The following ZNF610 variants were observed in gnomAD, a reference collection of about 807,000 sequenced individuals.
ZNF610 encodes zink finger protein.
In ZNF610, 14 loss-of-function variants were observed where a neutral mutation model predicts 14.1. The ratio of observed to expected loss-of-function variants is 0.99; its 90% confidence interval spans 0.65 to 1.55. ZNF610 has a LOEUF of 1.55. Ranked by LOEUF, ZNF610 falls within the 40% of genes most tolerant of loss-of-function variation. The pLI, the probability that ZNF610 is intolerant of heterozygous loss-of-function variation, is 0.00. For synonymous variants in ZNF610, 185 were observed against 187.6 expected (o/e 0.99, Z 0.11); for missense variants, 530 against 558.0 (o/e 0.95, Z 0.51).
At chr19:52,331,185 G>C in the ZNF610 span, among the ~76,000 whole-genome samples, 1 of 152,114 alleles carries the variant, frequency 6.6e-6, no homozygotes, top group Admixed American at 6.5e-5. Context: ...ACATCCAAAG[G>C]GGATTAAGTA....
At position 52,336,252 on chromosome 19, in the gene ZNF610, G is replaced by A; in HGVS notation, c.-512G>A. On this transcript the variant is annotated 5_prime_UTR_variant, in exon 1 of 6. Coordinates refer to ENST00000403906, the MANE Select transcript of ZNF610 (RefSeq NM_001161425.2). Reference sequence around the variant, plus strand: ...GCGCGCGCAGTTTTTTGCAGACCCGGAAGCGGATCGCGTGGGTAGAAGGTC... The same window carrying A: ...GCGCGCGCAGTTTTTTGCAGACCCGAAAGCGGATCGCGTGGGTAGAAGGTC... 1 of 268,958 alleles carries A rather than the reference G, an allele frequency of 3.7e-6. No homozygotes were observed. The allele number at this position is 268,958 out of a possible 1,614,324, so 16.7% of individuals were successfully genotyped here. A position where few individuals can be genotyped will look rare whatever the true frequency, so the allele number is the denominator to read the frequency against.
At chr19:52,345,085 C>G (rs2122195022) in intron 1 of ZNF610, 1 of 152,352 alleles carries the variant, frequency 6.6e-6, no homozygotes, top group African/African-American at 2.4e-5. Context: ...CCCGGCCAGT[C>G]CCATGCTATT....
rs140056453 is a variant in ZNF610, at chr19:52,353,986, C to T, written c.190+178C>T. Among the ~76,000 whole-genome samples, 219 of 152,228 alleles carry T rather than the reference C, an allele frequency of 1.4e-3. 1 individual carries two copies. Among genetic ancestry groups the T allele is most frequent in the African/African-American group, 5.1e-3 (213 of 41,542 alleles). ...AAATGCGTCCTTTCTTCAGATGTAC[C>T]GCCCCCTTCATAATACATCATTGGG... On this transcript the variant is annotated intron_variant, in intron 4 of 5. Transcript: ENST00000403906.
upstream of ZNF610, among the ~76,000 whole-genome samples, chr19:52,334,239 G>A (rs184733160): frequency 5.9e-4 from 87 of 148,372 alleles, no homozygotes; most frequent in Non-Finnish European, 1.2e-3. Flanking sequence ...TTTAGGCCGG[G>A]CTTGGTGGCT....
intron 5 of ZNF610, among the ~76,000 whole-genome samples, chr19:52,357,503 G>A (rs529149081): frequency 6.7e-4 from 102 of 152,036 alleles, no homozygotes; most frequent in African/African-American, 2.4e-3. Context: ...AAATTAGCCG[G>A]GTGTGGTTGC....
chr19:52,357,303 TC>T (rs1451152117), intron 5 of ZNF610, among the ~76,000 whole-genome samples: 2 of 152,102 alleles, frequency 1.3e-5, no homozygotes, highest in African/African-American at 2.4e-5. Flanking sequence ...CATTACTTGA[TC>T]CCAGGAGTTT....
intron 1 of ZNF610, among the ~76,000 whole-genome samples, chr19:52,338,919 A>ACCCGCGCCCT (rs1555800687): frequency 6.6e-6 from 1 of 151,214 alleles, no homozygotes; most frequent in Non-Finnish European, 1.5e-5. Flanking sequence ...CATACGGAGG[A>ACCCGCGCCCT]CCCGCGCCGG....
chr19:52,346,442 C>T (rs115716401), intron 1 of ZNF610, among the ~76,000 whole-genome samples: 13 of 146,058 alleles, frequency 8.9e-5, no homozygotes, highest in African/African-American at 2.2e-4. Flanking sequence ...GGATTACAGG[C>T]GTGAGCATGG....
chr19:52,348,630 G>T (rs185555643), intron 2 of ZNF610, among the ~76,000 whole-genome samples: 4 of 152,168 alleles, frequency 2.6e-5, no homozygotes, highest in Non-Finnish European at 4.4e-5. Context: ...CAATTTGGAT[G>T]TGCCAGTAAG....
At chr19:52,359,995 G>A (rs897526144) in intron 5 of ZNF610, among the ~76,000 whole-genome samples, 1 of 152,204 alleles carries the variant, frequency 6.6e-6, no homozygotes, top group African/African-American at 2.4e-5. Flanking sequence ...GACCTGTAGG[G>A]CAAGGTATGG....
In ZNF610 at chr19:52,353,229, T is replaced by G. The variant is rs542962189; in HGVS notation, c.64-453T>G. Reference sequence around the variant, plus strand: ...TGCTGGAGTTACAGACGTGAGCCACTGCGCCCAGCCTATTTGTTAAATTAG... The same window carrying G: ...TGCTGGAGTTACAGACGTGAGCCACGGCGCCCAGCCTATTTGTTAAATTAG... On this transcript the variant is annotated intron_variant, in intron 3 of 5. Coordinates refer to ENST00000403906, the MANE Select transcript of ZNF610 (RefSeq NM_001161425.2). 2.6e-5 allele frequency among the ~76,000 whole-genome samples: 4 copies of G among 152,376 alleles called. No individual in the cohort carries two copies. The South Asian group carries it at 8.3e-4, about 32-fold the overall frequency.
intron 1 of ZNF610, among the ~76,000 whole-genome samples, chr19:52,342,760 C>T (rs371007751): frequency 6.6e-6 from 1 of 151,972 alleles, no homozygotes; most frequent in Non-Finnish European, 1.5e-5. Flanking sequence ...CTCCTGACCT[C>T]GTGATCCATC....
rs570171072 is a variant in ZNF610 at position 52,365,075 on chromosome 19, G to A, written c.320-623G>A. ...AGTCTGGCCAACGTGGTGAAACCCCGTCTCTACTAAAAATACAAAAAAATT... is the reference window on the plus strand; with the variant it reads ...AGTCTGGCCAACGTGGTGAAACCCCATCTCTACTAAAAATACAAAAAAATT... On this transcript the variant is annotated intron_variant, in intron 5 of 5. Coordinates refer to ENST00000403906, the MANE Select transcript of ZNF610 (RefSeq NM_001161425.2). 8.5e-5 allele frequency among the ~76,000 whole-genome samples: 13 copies of A among 152,080 alleles called. No homozygotes were observed. The East Asian group carries it at 2.1e-3, about 25-fold the overall frequency.
chr19:52,355,585 A>G (rs1985485058), intron 5 of ZNF610, among the ~76,000 whole-genome samples: 1 of 152,228 alleles, frequency 6.6e-6, no homozygotes, highest in South Asian at 2.1e-4. Context: ...CAGATCCCAC[A>G]GGCTAAGGGT....
At chr19:52,341,501 G>T (rs186036468) in intron 1 of ZNF610, among the ~76,000 whole-genome samples, 2 of 151,886 alleles carry the variant, frequency 1.3e-5, no homozygotes, top group Non-Finnish European at 2.9e-5. Context: ...GTAGAGACGG[G>T]GTTTCACCAT....
intron 5 of ZNF610, among the ~76,000 whole-genome samples, chr19:52,358,966 G>T (rs1317246023): frequency 6.6e-6 from 1 of 152,168 alleles, no homozygotes; most frequent in Non-Finnish European, 1.5e-5. Flanking sequence ...AATATTTGAG[G>T]GTTTGTTTCT....
intron 3 of ZNF610, among the ~76,000 whole-genome samples, chr19:52,350,726 C>T (rs908992061): frequency 2.6e-5 from 4 of 151,902 alleles, no homozygotes; most frequent in Non-Finnish European, 5.9e-5. Context: ...TAAGGCTGGA[C>T]GCTGTGGCTC....
rs192661714 is a variant in ZNF610 at position 52,342,437 on chromosome 19, G to A, written c.-257-5270G>A. ...TGTCCTCATCTTTCTTTCCCTGTCA[G>A]CAGCAATTTGCACAGCCGATCACTC... On this transcript the variant is annotated intron_variant, in intron 1 of 5. Coordinates refer to ENST00000403906, the MANE Select transcript of ZNF610 (RefSeq NM_001161425.2). Among the ~76,000 whole-genome samples, 105 of 151,858 alleles carry A rather than the reference G, an allele frequency of 6.9e-4. 1 individual carries two copies. Among genetic ancestry groups the A allele is most frequent in the African/African-American group, 2.4e-3 (98 of 41,396 alleles).
intron 5 of ZNF610, among the ~76,000 whole-genome samples, chr19:52,358,669 T>G (rs1268663846): frequency 6.6e-6 from 1 of 152,226 alleles, no homozygotes; most frequent in African/African-American, 2.4e-5. Context: ...GTAGTACATT[T>G]TATGTATTTT....
Sources: allele counts gnomAD v4.1 joint callset (sites outside exome capture counted in the v4.1 genomes callset), GRCh38; gene constraint gnomAD v4.1.1; transcripts MANE v1.5; gene names NCBI Gene and HGNC (gene_info 2026-07-23, HGNC 2026-07-21).